CCSER1: variants seen among roughly 807,000 people sequenced by gnomAD.
The protein encoded by CCSER1 is serine-rich coiled-coil domain-containing protein 1.
Under a neutral mutation model 82.0 loss-of-function variants are expected in CCSER1, and 41 were observed. The observed-to-expected ratio is 0.50, with a 90% CI of 0.39 to 0.65. The LOEUF (loss-of-function observed/expected upper bound fraction) is 0.65. Ranked by LOEUF, CCSER1 falls within the 30% of genes least tolerant of loss-of-function variation. The pLI, the probability that CCSER1 is intolerant of heterozygous loss-of-function variation, is 0.00. For missense variants in CCSER1, 1,119 were observed against 1,064.2 expected, an observed-to-expected ratio of 1.05 and a Z score of -0.72; for synonymous variants, 414 against 383.9, an observed-to-expected ratio of 1.08 and a Z score of -0.92.
intron 6 of CCSER1, among the ~76,000 whole-genome samples, chr4:90,697,321 C>G (rs141065769): frequency 2.6e-5 from 4 of 152,202 alleles, no homozygotes; most frequent in African/African-American, 9.6e-5. Flanking sequence ...TTGTAAAGTT[C>G]AAGATGAGAA....
At chr4:90,754,533 A>G (rs774912381) in intron 7 of CCSER1, among the ~76,000 whole-genome samples, 1 of 152,174 alleles carries the variant, frequency 6.6e-6, no homozygotes, top group Non-Finnish European at 1.5e-5. Context: ...CAGGTTGCAT[A>G]TAATTAGCCA....
intron 7 of CCSER1, chr4:90,780,809 C>T: frequency 9.2e-7 from 1 of 1,082,536 alleles, no homozygotes; most frequent in Non-Finnish European, 1.1e-6. Context: ...TATGCGTGAT[C>T]TTTTAGAGAC....
chr4:91,232,147 T>C (rs796276770), intron 10 of CCSER1, among the ~76,000 whole-genome samples: 5 of 151,952 alleles, frequency 3.3e-5, no homozygotes, highest in African/African-American at 1.2e-4. Context: ...CTACAACTTA[T>C]ACAGAGGGCA....
intron 10 of CCSER1, among the ~76,000 whole-genome samples, chr4:91,542,460 T>G (rs540443781): frequency 1.4e-4 from 22 of 152,262 alleles, no homozygotes; most frequent in African/African-American, 4.8e-4. Context: ...TAGCTCATTT[T>G]CCCAGCACCA....
At chr4:91,438,302 A>G (rs1468083905) in intron 10 of CCSER1, among the ~76,000 whole-genome samples, 1 of 152,208 alleles carries the variant, frequency 6.6e-6, no homozygotes, top group Non-Finnish European at 1.5e-5. Context: ...AGGAATGATC[A>G]GACAGCAGCA....
At chr4:91,201,923 A>G (rs1219160981) in intron 10 of CCSER1, among the ~76,000 whole-genome samples, 1 of 152,000 alleles carries the variant, frequency 6.6e-6, no homozygotes, top group Admixed American at 6.6e-5. Flanking sequence ...TGGTTTATCA[A>G]ATCATGAATT....
At chr4:90,338,592 A>G (rs1222710381) in intron 3 of CCSER1, among the ~76,000 whole-genome samples, 2 of 152,212 alleles carry the variant, frequency 1.3e-5, no homozygotes, top group South Asian at 2.1e-4. Context: ...TAAGCATAGT[A>G]TAGTATTCAG....
At position 91,554,400 on chromosome 4, in the gene CCSER1, A is replaced by G. The variant is rs1378617641; in HGVS notation, c.2218-44172A>G. ...TCTGTATGTTCATTATAACCTTTTG[A>G]TCTAACAATAAACTGTCAAAAAAGA... On this transcript the variant is annotated intron_variant, in intron 10 of 10. Transcript: ENST00000509176. Among the ~76,000 whole-genome samples the G allele has an allele frequency of 2.0e-5, 3 of 151,112 alleles. No individual in the cohort carries two copies. The East Asian group carries it at 5.8e-4, about 29-fold the overall frequency.
chr4:91,516,058 A>T (rs1254222916), intron 10 of CCSER1, among the ~76,000 whole-genome samples: 2 of 151,680 alleles, frequency 1.3e-5, no homozygotes, highest in African/African-American at 4.8e-5. Context: ...ATGGGGTTGT[A>T]TGTTTTTTGC....
At chr4:90,936,939 T>A (rs1185541818) in intron 9 of CCSER1, among the ~76,000 whole-genome samples, 1 of 152,058 alleles carries the variant, frequency 6.6e-6, no homozygotes, top group Non-Finnish European at 1.5e-5. Context: ...CTCTATTCAT[T>A]TATAAAGTTA....
intron 3 of CCSER1, among the ~76,000 whole-genome samples, chr4:90,345,627 A>G (rs1231023489): frequency 2.0e-5 from 3 of 152,084 alleles, no homozygotes; most frequent in Non-Finnish European, 4.4e-5. Context: ...TCATATACTA[A>G]ATGAACAGAC....
rs960319936 is a variant in CCSER1 at position 91,601,936 on chromosome 4, T to C, written c.*2879T>C. ...GTATTTCTATGAACTCAATGATTTT[T>C]TTCCATAAAATTATATGCTAAGAGA... On this transcript the variant is annotated 3_prime_UTR_variant, in exon 11 of 11. Transcript: ENST00000509176. 11 of 152,078 alleles carry C rather than the reference T, an allele frequency of 7.2e-5. No individual in the cohort carries two copies. The highest frequency in any genetic ancestry group is 2.7e-4 in the African/African-American group (11 of 41,448). 9.4% of individuals were successfully genotyped at this position (152,078 alleles called of 1,614,324 possible).
At chr4:90,889,239 TAC>T (rs1722607808) in intron 8 of CCSER1, among the ~76,000 whole-genome samples, 1 of 152,148 alleles carries the variant, frequency 6.6e-6, no homozygotes, top group African/African-American at 2.4e-5. Flanking sequence ...ACTCTCAAAA[TAC>T]AGAGAATCTC....
chr4:91,384,376 G>A (rs963774209), intron 10 of CCSER1, among the ~76,000 whole-genome samples: 20 of 150,210 alleles, frequency 1.3e-4, no homozygotes, highest in Non-Finnish European at 2.1e-4. Context: ...ATAAATGAGC[G>A]TTTCCGTTAT....
chr4:90,865,535 T>A (rs551331328), intron 8 of CCSER1, among the ~76,000 whole-genome samples: 3 of 152,164 alleles, frequency 2.0e-5, no homozygotes, highest in South Asian at 4.2e-4. Context: ...TCCTATTGAT[T>A]ATGGAAACAT....
At chr4:90,726,422 T>C (rs1361965690) in intron 7 of CCSER1, among the ~76,000 whole-genome samples, 2 of 152,004 alleles carry the variant, frequency 1.3e-5, no homozygotes, top group Admixed American at 1.3e-4. Context: ...TGTACCATAG[T>C]AAGATATATT....
At chr4:91,197,672 T>G (rs911271258) in intron 10 of CCSER1, among the ~76,000 whole-genome samples, 2 of 152,186 alleles carry the variant, frequency 1.3e-5, no homozygotes, top group Admixed American at 6.5e-5. Context: ...TTTTTAAAAT[T>G]TGGCTACTAT....
At chr4:90,925,234 C>A (rs185481271) in intron 9 of CCSER1, among the ~76,000 whole-genome samples, 3 of 152,126 alleles carry the variant, frequency 2.0e-5, no homozygotes, top group African/African-American at 7.2e-5. Context: ...AATCCACTTA[C>A]TTCAAGCCCC....
chr4:91,031,820 A>G (rs1741006700), intron 9 of CCSER1, among the ~76,000 whole-genome samples: 1 of 152,158 alleles, frequency 6.6e-6, no homozygotes, highest in Non-Finnish European at 1.5e-5. Context: ...ATATTTTGGT[A>G]GTATATAATA....
Sources: allele counts gnomAD v4.1 joint callset (sites outside exome capture counted in the v4.1 genomes callset), GRCh38; gene constraint gnomAD v4.1.1; transcripts MANE v1.5; gene names NCBI Gene and HGNC (gene_info 2026-07-23, HGNC 2026-07-21).